The following RBFOX1 variants were observed in gnomAD, a reference collection of about 807,000 sequenced individuals.
RBFOX1 encodes RNA binding fox-1 homolog 1.
In RBFOX1, 8 loss-of-function variants were observed where a neutral mutation model predicts 57.7. The observed-to-expected ratio is 0.14, with a 90% CI of 0.08 to 0.25. RBFOX1 has a LOEUF of 0.25. RBFOX1 is among the 10% of genes least tolerant of loss of function. RBFOX1 has a pLI of 1.00. For synonymous variants in RBFOX1, 326 were observed against 222.4 expected, an observed-to-expected ratio of 1.47 and a Z score of -4.15; for missense variants, 611 against 548.5, an observed-to-expected ratio of 1.11 and a Z score of -1.14.
intron 4 of RBFOX1, among the ~76,000 whole-genome samples, chr16:7,371,683 G>T (rs2097569091): frequency 6.6e-6 from 1 of 152,174 alleles, no homozygotes; most frequent in Admixed American, 6.5e-5. Context: ...CCATGGGGCG[G>T]AGGTTGCAGT....
rs143382729 is a variant in RBFOX1 at position 5,705,332 on chromosome 16, G to C, written c.318+106371G>C. Among the ~76,000 whole-genome samples, 503 of 152,198 alleles carry C rather than the reference G, an allele frequency of 3.3e-3. 2 individuals carry two copies. The highest frequency in any genetic ancestry group is 0.01 in the African/African-American group (430 of 41,502). On this transcript the variant is annotated intron_variant, in intron 3 of 19. Coordinates refer to the RBFOX1 transcript ENST00000641259. Reference sequence around the variant, plus strand: ...GCTAGGGTGCAGTGGCATGATCCTTGATCACTGCAACCTCGAACTTCTGGG... The same window carrying C: ...GCTAGGGTGCAGTGGCATGATCCTTCATCACTGCAACCTCGAACTTCTGGG...
At chr16:5,610,530 GAA>G (rs2047741237) in intron 3 of RBFOX1, 1 of 152,110 alleles carries the variant, frequency 6.6e-6, no homozygotes, top group Non-Finnish European at 1.5e-5. Flanking sequence ...GTACAAAGTT[GAA>G]AAGTAAAAAT....
intron 3 of RBFOX1, among the ~76,000 whole-genome samples, chr16:6,846,887 A>T (rs1337541602): frequency 1.3e-5 from 2 of 151,758 alleles, no homozygotes; most frequent in East Asian, 3.9e-4. Flanking sequence ...AAAATTACAA[A>T]GGGAAAGACT....
intron 4 of RBFOX1, among the ~76,000 whole-genome samples, chr16:7,393,554 C>T (rs894824066): frequency 3.3e-5 from 5 of 152,130 alleles, no homozygotes; most frequent in Admixed American, 2.0e-4. Flanking sequence ...TGAAGGAATG[C>T]TCTCTGGACA....
At chr16:6,839,869 T>C (rs2093361451) in intron 3 of RBFOX1, among the ~76,000 whole-genome samples, 1 of 152,208 alleles carries the variant, frequency 6.6e-6, no homozygotes, top group African/African-American at 2.4e-5. Flanking sequence ...TTGGGGTATC[T>C]TTTCCCCTCC....
At chr16:6,076,913 A>G (rs62013965) in intron 1 of RBFOX1, among the ~76,000 whole-genome samples, 58,405 of 151,968 alleles carry the variant, frequency 0.38, 12,247 homozygotes, top group Non-Finnish European at 0.49. Flanking sequence ...CATGGAAGCC[A>G]ATGGTCAAGT....
intron 4 of RBFOX1, among the ~76,000 whole-genome samples, chr16:7,116,560 G>A (rs182435703): frequency 1.1e-3 from 169 of 152,222 alleles, no homozygotes; most frequent in African/African-American, 3.8e-3. Flanking sequence ...TCCACTAAAT[G>A]AGTCCATTAA....
chr16:6,863,864 T>C (rs889904573), intron 3 of RBFOX1, among the ~76,000 whole-genome samples: 1 of 151,568 alleles, frequency 6.6e-6, no homozygotes, highest in Non-Finnish European at 1.5e-5. Context: ...CCAAGTTCTT[T>C]ACTGGTATTT....
intron 1 of RBFOX1, among the ~76,000 whole-genome samples, chr16:5,422,704 G>T (rs961482634): frequency 5.5e-5 from 7 of 127,348 alleles, no homozygotes; most frequent in Non-Finnish European, 1.0e-4. Flanking sequence ...GGATGGGGAG[G>T]AAAGAGAAAG....
intron 3 of RBFOX1, among the ~76,000 whole-genome samples, chr16:6,845,571 T>C (rs1440651720): frequency 1.3e-5 from 2 of 152,206 alleles, no homozygotes; most frequent in African/African-American, 4.8e-5. Context: ...CATGCTGTTT[T>C]GGTTATTGTA....
chr16:7,422,816 T>C (rs148051483), intron 4 of RBFOX1: 1 of 152,146 alleles, frequency 6.6e-6, no homozygotes, highest in East Asian at 1.9e-4. Context: ...GCTTGTTGGA[T>C]TATTAATTTC....
intron 2 of RBFOX1, among the ~76,000 whole-genome samples, chr16:6,604,170 G>T (rs2097893896): frequency 1.3e-5 from 2 of 151,696 alleles, no homozygotes; most frequent in African/African-American, 2.4e-5. Flanking sequence ...GCTTTTGAGA[G>T]TCACTGTGAT....
At chr16:6,328,369 T>C (rs1420606028) in intron 2 of RBFOX1, among the ~76,000 whole-genome samples, 1 of 152,074 alleles carries the variant, frequency 6.6e-6, no homozygotes, top group African/African-American at 2.4e-5. Context: ...ATCTCACAGA[T>C]CGCCACTAAA....
rs78229069 is a variant in RBFOX1 at position 5,619,249 on chromosome 16, C to T, written c.318+20288C>T. ...AAGGAGTGTGTAGGGTGCTGACAGA[C>T]AGGCCTCCCGGGCTCCAGCCACCTT... On this transcript the variant is annotated intron_variant, in intron 3 of 19. Coordinates refer to the RBFOX1 transcript ENST00000641259. 4.4e-3 allele frequency among the ~76,000 whole-genome samples: 668 copies of T among 152,284 alleles called. 25 individuals carry two copies. The East Asian group carries it at 0.1, about 23-fold the overall frequency.
chr16:6,008,835 C>G (rs1460363962), intron 4 of RBFOX1, among the ~76,000 whole-genome samples: 1 of 152,172 alleles, frequency 6.6e-6, no homozygotes, highest in Non-Finnish European at 1.5e-5. Flanking sequence ...GCTTTTATTG[C>G]CAAGTTGCTT....
intron 5 of RBFOX1, among the ~76,000 whole-genome samples, chr16:7,547,591 C>G (rs775167970): frequency 6.6e-6 from 1 of 152,196 alleles, no homozygotes; most frequent in Admixed American, 6.5e-5. Context: ...GTTGACCACA[C>G]TGCTGGCAGT....
In RBFOX1 at chr16:7,433,636, A is replaced by C. The variant is rs984260112; in HGVS notation, c.28-84511A>C. On this transcript the variant is annotated intron_variant, in intron 4 of 15. Transcript: ENST00000550418. The stretch of plus-strand genomic sequence containing the variant: ...GTGTTTGAAGAGTTGTCTGGGAGAT[A>C]GGTTACCAATTTAGTTTCTACAGTA... 3.3e-5 allele frequency among the ~76,000 whole-genome samples: 5 copies of C among 152,224 alleles called. No homozygotes were observed. In the South Asian group the frequency reaches 1.0e-3, roughly 32 times the overall value.
At chr16:5,586,845 C>G (rs532901416) in intron 2 of RBFOX1, among the ~76,000 whole-genome samples, 1 of 152,156 alleles carries the variant, frequency 6.6e-6, no homozygotes, top group African/African-American at 2.4e-5. Flanking sequence ...GCTGAGGTAG[C>G]ATTGATGAGG....
chr16:6,609,043 T>C (rs2154022508), intron 2 of RBFOX1, among the ~76,000 whole-genome samples: 1 of 152,296 alleles, frequency 6.6e-6, no homozygotes, highest in South Asian at 2.1e-4. Context: ...CTCTCCCATA[T>C]TTGAAGACCC....
Sources: gnomAD v4.1 joint callset for allele counts (sites outside exome capture counted in the v4.1 genomes callset) on GRCh38, gnomAD v4.1.1 for gene constraint, MANE v1.5 for transcripts, NCBI Gene and HGNC (gene_info 2026-07-23, HGNC 2026-07-21) for gene names.